The following SEMA5A variants were observed in gnomAD, a reference collection of about 807,000 sequenced individuals.
SEMA5A encodes semaphorin 5A, also known as semaphorin-5A.
In SEMA5A, 55 loss-of-function variants were observed where a neutral mutation model predicts 135.5. That is an observed-to-expected ratio of 0.41 (90% CI 0.33 to 0.51). The LOEUF (loss-of-function observed/expected upper bound fraction) is 0.51. SEMA5A is among the 20% of genes least tolerant of loss of function. SEMA5A has a pLI of 0.37. For synonymous variants in SEMA5A, 580 were observed against 546.5 expected, an observed-to-expected ratio of 1.06 and a Z score of -0.85; for missense variants, 1,290 against 1,419.9, an observed-to-expected ratio of 0.91 and a Z score of 1.47.
intron 1 of SEMA5A, among the ~76,000 whole-genome samples, chr5:9,512,325 G>A (rs1383635662): frequency 6.6e-6 from 1 of 152,058 alleles, no homozygotes; most frequent in Non-Finnish European, 1.5e-5. Flanking sequence ...ATTTTACTAT[G>A]TGTTTCCATA....
chr5:9,428,238 C>T (rs888391881), intron 2 of SEMA5A, among the ~76,000 whole-genome samples: 2 of 151,934 alleles, frequency 1.3e-5, no homozygotes, highest in African/African-American at 2.4e-5. Flanking sequence ...AACATTAGTG[C>T]TGTCCTCTGG....
chr5:9,482,239 C>G (rs1258165001), intron 1 of SEMA5A, among the ~76,000 whole-genome samples: 2 of 152,118 alleles, frequency 1.3e-5, no homozygotes, highest in African/African-American at 4.8e-5. Context: ...CCAGAAGATT[C>G]AGGACATCTA....
intron 2 of SEMA5A, among the ~76,000 whole-genome samples, chr5:9,435,586 T>A (rs1331072848): frequency 6.6e-6 from 1 of 152,216 alleles, no homozygotes; most frequent in Non-Finnish European, 1.5e-5. Context: ...GACTAATACC[T>A]ACTGTCCCCG....
chr5:9,236,378 C>T (rs1747910009), intron 6 of SEMA5A, among the ~76,000 whole-genome samples: 1 of 152,192 alleles, frequency 6.6e-6, no homozygotes, highest in Non-Finnish European at 1.5e-5. Flanking sequence ...CATTCCTTGG[C>T]ACAGGTGGTC....
At chr5:9,249,131 CT>C (rs1265616205) in intron 5 of SEMA5A, among the ~76,000 whole-genome samples, 1 of 152,180 alleles carries the variant, frequency 6.6e-6, no homozygotes, top group Admixed American at 6.5e-5. Context: ...CAAAATATGC[CT>C]TTGTCATGGG....
chr5:9,164,344 T>C (rs1743488706), intron 11 of SEMA5A, among the ~76,000 whole-genome samples: 1 of 147,202 alleles, frequency 6.8e-6, no homozygotes, highest in Non-Finnish European at 1.5e-5. Flanking sequence ...ATAGAAATAA[T>C]AGATTCTGGC....
At chr5:9,394,363 C>T (rs1360309100) in intron 2 of SEMA5A, among the ~76,000 whole-genome samples, 1 of 152,158 alleles carries the variant, frequency 6.6e-6, no homozygotes, top group African/African-American at 2.4e-5. Context: ...CTCCAGGAAG[C>T]GTGCTCAGGA....
At chr5:9,447,305 A>G (rs950129936) in intron 1 of SEMA5A, among the ~76,000 whole-genome samples, 1 of 152,236 alleles carries the variant, frequency 6.6e-6, no homozygotes, top group African/African-American at 2.4e-5. Context: ...TTTACATGGT[A>G]TACAATGATC....
At chr5:9,055,442 A>C (rs1369427357) in intron 18 of SEMA5A, among the ~76,000 whole-genome samples, 1 of 152,224 alleles carries the variant, frequency 6.6e-6, no homozygotes, top group Non-Finnish European at 1.5e-5. Flanking sequence ...CTACACAAAG[A>C]AACAGGAGCA....
In SEMA5A at chr5:9,097,122, G is replaced by A. The variant is rs139781539; in HGVS notation, c.2073+11018C>T. ...GGGAAAAAGCATACTGTGAACAGTA[G>A]CATCAACACACCAAAACAATGTAAA... On this transcript the variant is annotated intron_variant, in intron 16 of 22. Coordinates refer to ENST00000382496, the MANE Select transcript of SEMA5A (RefSeq NM_003966.3). Among the ~76,000 whole-genome samples, 301 of 152,216 alleles carry A rather than the reference G, an allele frequency of 2.0e-3. 3 individuals are homozygous for A. The highest frequency in any genetic ancestry group is 6.9e-3 in the African/African-American group (285 of 41,538).
chr5:9,480,089 A>T (rs1759818462), intron 1 of SEMA5A, among the ~76,000 whole-genome samples: 1 of 57,912 alleles, frequency 1.7e-5, no homozygotes, highest in African/African-American at 5.4e-5. Context: ...TGTGCACTGT[A>T]GGACATTCAC....
At chr5:9,473,464 C>G (rs542893915) in intron 1 of SEMA5A, among the ~76,000 whole-genome samples, 1 of 147,200 alleles carries the variant, frequency 6.8e-6, no homozygotes, top group Non-Finnish European at 1.5e-5. Flanking sequence ...GGTTCTGACT[C>G]TCCAGGAACA....
At chr5:9,179,032 A>G (rs183245384) in intron 11 of SEMA5A, among the ~76,000 whole-genome samples, 207 of 152,322 alleles carry the variant, frequency 1.4e-3, no homozygotes, top group African/African-American at 4.8e-3. Context: ...TTAGCAAAAA[A>G]TAAGAAAACC....
Position 9,043,021 on chromosome 5 carries a change from A to G in SEMA5A, c.3106-5T>C. The stretch of plus-strand genomic sequence containing the variant: ...CAAGTTGTTTTTGTTAAATGCCTGG[A>G]AAATATATTAAAAAAAAACAGGTTT... On this transcript the variant is annotated splice_region_variant and splice_polypyrimidine_tract_variant and intron_variant, in intron 22 of 22. Transcript: ENST00000382496. The G allele has an allele frequency of 6.7e-7, 1 of 1,489,044 alleles. No homozygotes were observed. The highest frequency in any genetic ancestry group is 8.9e-7 in the Non-Finnish European group (1 of 1,127,644). The allele number at this position is 1,489,044 out of a possible 1,614,324, so 92.2% of individuals were successfully genotyped here.
intron 1 of SEMA5A, among the ~76,000 whole-genome samples, chr5:9,451,149 T>C (rs1270228443): frequency 6.6e-6 from 1 of 152,224 alleles, no homozygotes; most frequent in Non-Finnish European, 1.5e-5. Flanking sequence ...GCTTCTCATC[T>C]ATATCCTCTC....
chr5:9,329,145 G>C (rs773370408), intron 4 of SEMA5A, among the ~76,000 whole-genome samples: 1 of 152,046 alleles, frequency 6.6e-6, no homozygotes, highest in South Asian at 2.1e-4. Flanking sequence ...TCTTCAGATC[G>C]ATGCACCATC....
intron 13 of SEMA5A, among the ~76,000 whole-genome samples, chr5:9,127,448 T>A (rs1378195227): frequency 6.6e-6 from 1 of 152,174 alleles, no homozygotes; most frequent in African/African-American, 2.4e-5. Flanking sequence ...ACATATACAC[T>A]TTCCCTATGG....
At chr5:9,534,011 A>G (rs918693499) in intron 1 of SEMA5A, among the ~76,000 whole-genome samples, 1 of 152,352 alleles carries the variant, frequency 6.6e-6, no homozygotes, top group Non-Finnish European at 1.5e-5. Context: ...CTGAAGAGGA[A>G]CAAAGATAAA....
At chr5:9,344,902 G>A (rs1401168836) in intron 3 of SEMA5A, among the ~76,000 whole-genome samples, 1 of 152,118 alleles carries the variant, frequency 6.6e-6, no homozygotes, top group African/African-American at 2.4e-5. Flanking sequence ...CTTTATAGTT[G>A]AGGGCAGGTG....
Sources: gnomAD v4.1 joint callset for allele counts (sites outside exome capture counted in the v4.1 genomes callset) on GRCh38, gnomAD v4.1.1 for gene constraint, MANE v1.5 for transcripts, NCBI Gene and HGNC (gene_info 2026-07-23, HGNC 2026-07-21) for gene names.